Variants in ATXN1 observed in about 807,000 individuals in gnomAD.
ATXN1 encodes ataxin 1, also known as ataxin-1.
In ATXN1, 8 loss-of-function variants were observed where a neutral mutation model predicts 56.4. The observed-to-expected ratio is 0.14, with a 90% confidence interval of 0.08 to 0.26. ATXN1 has a LOEUF of 0.26. ATXN1 is among the 10% of genes least tolerant of loss of function. ATXN1 has a pLI of 1.00. For synonymous variants in ATXN1, 514 were observed against 494.6 expected (o/e 1.04, Z -0.52); for missense variants, 987 against 1,106.5 (o/e 0.89, Z 1.53).
At chr6:16,557,769 G>A (rs1254193774) in intron 4 of ATXN1, among the ~76,000 whole-genome samples, 1 of 152,130 alleles carries the variant, frequency 6.6e-6, no homozygotes. Context: ...ATAATTGGAC[G>A]GCCACCTAAA....
rs570732992 is a variant in ATXN1, at chr6:16,691,222, G to A, written c.-614-33321C>T. Among the ~76,000 whole-genome samples, 5 of 152,258 alleles carry A rather than the reference G, an allele frequency of 3.3e-5. 1 individual carries two copies. The highest frequency in any genetic ancestry group is 3.9e-4 in the East Asian group (2 of 5,194). ...TGCTCCTTTTATCATTGTCATCATC[G>A]TGTATCATGGCAAAGCTCCCTGAGG... On this transcript the variant is annotated intron_variant, in intron 2 of 7. Transcript: ENST00000436367.
chr6:16,539,056 T>A (rs544205683), intron 4 of ATXN1, among the ~76,000 whole-genome samples: 2 of 152,318 alleles, frequency 1.3e-5, no homozygotes, highest in African/African-American at 4.8e-5. Flanking sequence ...CAACCCACTC[T>A]AAGTCTGTTC....
At chr6:16,378,140 C>G (rs1762180404) in intron 6 of ATXN1, among the ~76,000 whole-genome samples, 1 of 152,178 alleles carries the variant, frequency 6.6e-6, no homozygotes, top group African/African-American at 2.4e-5. Flanking sequence ...GCCAGGTGGC[C>G]TTATTCTTCA....
rs187311421 is a variant in ATXN1, at chr6:16,743,986, C to G, written c.-615+9247G>C. On this transcript the variant is annotated intron_variant, in intron 2 of 7. Coordinates refer to ENST00000436367, the MANE Select transcript of ATXN1 (RefSeq NM_001128164.2). ...ACTTTATCCTGAGGACCATGAGAAC[C>G]CAGGGAGGGAGTTAAGAAAAACAGA... is the stretch of plus-strand genomic sequence containing the variant. Among the ~76,000 whole-genome samples the G allele has an allele frequency of 1.2e-4, 18 of 152,172 alleles. No homozygotes were observed. In the East Asian group the frequency reaches 2.7e-3, roughly 23 times the overall value.
chr6:16,594,811 A>G (rs1049491316), intron 3 of ATXN1, among the ~76,000 whole-genome samples: 3 of 152,204 alleles, frequency 2.0e-5, no homozygotes, highest in Non-Finnish European at 4.4e-5. Context: ...ATCCATAAAG[A>G]AATAAGCATC....
intron 6 of ATXN1, among the ~76,000 whole-genome samples, chr6:16,457,919 G>A (rs1170789438): frequency 6.6e-6 from 1 of 152,132 alleles, no homozygotes; most frequent in Non-Finnish European, 1.5e-5. Context: ...GGCCCAACAT[G>A]GGACCTTCTC....
intron 4 of ATXN1, among the ~76,000 whole-genome samples, chr6:16,560,599 A>G (rs1217617503): frequency 1.3e-5 from 2 of 152,156 alleles, no homozygotes; most frequent in African/African-American, 4.8e-5. Flanking sequence ...GGAGGAGGTT[A>G]GAAGAGTGTT....
intron 3 of ATXN1, among the ~76,000 whole-genome samples, chr6:16,651,564 A>G (rs1426247429): frequency 6.7e-6 from 1 of 149,124 alleles, no homozygotes; most frequent in African/African-American, 2.5e-5. Flanking sequence ...AAAAGGCAGA[A>G]CTCCAGCATA....
intron 4 of ATXN1, among the ~76,000 whole-genome samples, chr6:16,559,042 C>A (rs1026541768): frequency 7.2e-5 from 11 of 151,962 alleles, no homozygotes; most frequent in Non-Finnish European, 1.6e-4. Flanking sequence ...TATATTCAAC[C>A]ACCACTATAA....
At chr6:16,358,157 A>T (rs1189248341) in intron 6 of ATXN1, among the ~76,000 whole-genome samples, 1 of 152,224 alleles carries the variant, frequency 6.6e-6, no homozygotes, top group Non-Finnish European at 1.5e-5. Flanking sequence ...AATAAAAAAA[A>T]TGATAGATAT....
chr6:16,657,454 G>T (rs1758230142), intron 3 of ATXN1, among the ~76,000 whole-genome samples: 1 of 152,188 alleles, frequency 6.6e-6, no homozygotes, highest in African/African-American at 2.4e-5. Context: ...AGCTAAAATG[G>T]AGTATCTGGT....
chr6:16,694,722 T>C (rs900324681), intron 2 of ATXN1, among the ~76,000 whole-genome samples: 1 of 152,168 alleles, frequency 6.6e-6, no homozygotes, highest in African/African-American at 2.4e-5. Context: ...AACTCACATC[T>C]CCTCTCTGGA....
chr6:16,715,944 T>C (rs1278642943), intron 2 of ATXN1, among the ~76,000 whole-genome samples: 1 of 152,168 alleles, frequency 6.6e-6, no homozygotes. Flanking sequence ...CACTCAAGCC[T>C]AGAGGACCAC....
chr6:16,311,917 T>C (rs1760400664), intron 7 of ATXN1, among the ~76,000 whole-genome samples: 1 of 152,180 alleles, frequency 6.6e-6, no homozygotes, highest in East Asian at 1.9e-4. Context: ...TAATGTGACA[T>C]TCAGAAGACC....
chr6:16,455,881 C>T (rs1415794604), intron 6 of ATXN1, among the ~76,000 whole-genome samples: 1 of 151,990 alleles, frequency 6.6e-6, no homozygotes, highest in Non-Finnish European at 1.5e-5. Flanking sequence ...GTAAAATGCA[C>T]CAATCAACGC....
chr6:16,327,748 C>A lies in ATXN1; in HGVS notation c.563G>T (p.Ser188Ile). Residue 188 changes from serine to isoleucine, a missense_variant, in exon 7 of 8, where the codon AGC becomes ATC. This residue lies in a region of ATXN1 where 723 missense variants were observed against 791.7 expected (regional missense o/e 0.91). Coordinates refer to ENST00000436367, the MANE Select transcript of ATXN1 (RefSeq NM_001128164.2). Reference sequence around the variant, plus strand: ...CTCAGCCTTGTGTCCCGGCGTCTGGCTCAGACTGCCCATGTTGGCCAGCAG... The same window carrying A: ...CTCAGCCTTGTGTCCCGGCGTCTGGATCAGACTGCCCATGTTGGCCAGCAG... ...STLLANMGSL[S>I]QTPGHKAEQQ... 1 of 1,606,560 alleles carries A rather than the reference C, an allele frequency of 6.2e-7. No individual in the cohort carries two copies. Among genetic ancestry groups the A allele is most frequent in the Non-Finnish European group, 8.5e-7 (1 of 1,178,934 alleles).
intron 3 of ATXN1, among the ~76,000 whole-genome samples, chr6:16,599,296 C>T (rs1762871262): frequency 6.6e-6 from 1 of 152,034 alleles, no homozygotes; most frequent in African/African-American, 2.4e-5. Context: ...AAGTGCTGGC[C>T]CTATAGCAGC....
intron 2 of ATXN1, among the ~76,000 whole-genome samples, chr6:16,668,120 C>A (rs1475337714): frequency 6.6e-6 from 1 of 152,170 alleles, no homozygotes; most frequent in Admixed American, 6.5e-5. Flanking sequence ...TACAAAATAT[C>A]ATGCTTGCTC....
chr6:16,458,306 C>T (rs1759920833), intron 6 of ATXN1, among the ~76,000 whole-genome samples: 1 of 152,138 alleles, frequency 6.6e-6, no homozygotes, highest in Admixed American at 6.6e-5. Flanking sequence ...TAGGAAAAAG[C>T]CCATGAATTA....
Sources: allele counts gnomAD v4.1 joint callset (sites outside exome capture counted in the v4.1 genomes callset), GRCh38; gene constraint gnomAD v4.1.1; regional missense constraint gnomAD v4.1.1; transcripts MANE v1.5; gene names NCBI Gene and HGNC (gene_info 2026-07-23, HGNC 2026-07-21).